Variants in POLDIP3 observed in about 807,000 individuals in gnomAD.
POLDIP3 encodes the protein DNA polymerase delta interacting protein 3.
A neutral mutation model predicts 45.1 loss-of-function variants in POLDIP3; 14 were observed. The ratio of observed to expected loss-of-function variants is 0.31; its 90% CI spans 0.20 to 0.49. The LOEUF is 0.49. Among genes scored for constraint, POLDIP3 ranks in the 20% least tolerant of loss-of-function variants. POLDIP3 has a pLI of 0.99. For synonymous variants in POLDIP3, 223 were observed against 205.2 expected, an observed-to-expected ratio of 1.09 and a Z score of -0.74; for missense variants, 511 against 538.8, an observed-to-expected ratio of 0.95 and a Z score of 0.51.
chr22:42,599,654 T>A, intron 4 of POLDIP3, 44 bp downstream of exon 4: 1 of 1,411,238 alleles, frequency 7.1e-7, no homozygotes, highest in Admixed American at 1.7e-5. Flanking sequence ...CTCTCCCACC[T>A]GCCTGATCAG....
At chr22:42,598,190 C>G (rs1473850334) in intron 4 of POLDIP3, among the ~76,000 whole-genome samples, 1 of 151,364 alleles carries the variant, frequency 6.6e-6, no homozygotes, top group African/African-American at 2.4e-5. Flanking sequence ...TCACACCATT[C>G]TCCTGCCTCA....
chr22:42,595,696 T>G, intron 5 of POLDIP3, 82 bp from the exon 6 acceptor site: 2 of 1,270,214 alleles, frequency 1.6e-6, no homozygotes, highest in Non-Finnish European at 2.3e-6. Flanking sequence ...GGCACGTGAC[T>G]AGGAAGGCCC....
chr22:42,604,095 C>T (rs1926571870), intron 1 of POLDIP3, among the ~76,000 whole-genome samples: 1 of 152,064 alleles, frequency 6.6e-6, no homozygotes, highest in Admixed American at 6.6e-5. Flanking sequence ...CTTCTTCTGT[C>T]GCCTCCCACC....
At position 42,599,812 on chromosome 22, in the gene POLDIP3, G is replaced by A; in HGVS notation, c.538-19C>T. 6.4e-7 allele frequency: 1 copy of A among 1,558,474 alleles called. No individual in the cohort carries two copies. Among genetic ancestry groups the A allele is most frequent in the Non-Finnish European group, 8.8e-7 (1 of 1,132,712 alleles). ...ATAAATTCTGAGAATATAACATAAA[G>A]AAATATAAGCAAATGTGGCATCTGG... is the stretch of plus-strand genomic sequence containing the variant. On this transcript the variant is annotated intron_variant, in intron 3 of 8. Transcript: ENST00000252115.
intron 1 of POLDIP3, among the ~76,000 whole-genome samples, chr22:42,609,014 G>A (rs1021815526): frequency 3.1e-4 from 47 of 152,188 alleles, no homozygotes; most frequent in African/African-American, 1.1e-3. Flanking sequence ...CTGGTTTCAG[G>A]CAGGCATTAG....
chr22:42,609,392 G>A, intron 1 of POLDIP3, among the ~76,000 whole-genome samples: 1 of 152,216 alleles, frequency 6.6e-6, no homozygotes. Context: ...GCTGGCAGGT[G>A]AGAAGGCAAA....
intron 1 of POLDIP3, among the ~76,000 whole-genome samples, chr22:42,612,373 G>C (rs956407963): frequency 6.6e-6 from 1 of 152,248 alleles, no homozygotes; most frequent in African/African-American, 2.4e-5. Context: ...GACGGTCCTA[G>C]GGAAAGTGGG....
chr22:42,613,342 G>A (rs1927244847), intron 1 of POLDIP3, among the ~76,000 whole-genome samples: 1 of 152,200 alleles, frequency 6.6e-6, no homozygotes, highest in South Asian at 2.1e-4. Context: ...TGCTGGCTGC[G>A]AATTATGAGG....
chr22:42,596,247 G>A lies in POLDIP3; in HGVS notation c.752C>T (p.Thr251Ile). 2.5e-6 allele frequency: 4 copies of A among 1,614,216 alleles called. No individual in the cohort carries two copies. The Middle Eastern group carries it at 4.9e-4, about 200-fold the overall frequency. The change falls in exon 5 of 9, where the codon ACC (threonine) becomes ATC (isoleucine). Residue 251 changes from threonine (T) to isoleucine (I), a missense_variant. Physicochemically the swap from Thr to Ile is moderately conservative, Grantham distance 89. This residue lies in a region of POLDIP3 where 378 missense variants were observed against 352.3 expected (regional missense o/e 1.07). Coordinates refer to ENST00000252115, the MANE Select transcript of POLDIP3 (RefSeq NM_032311.5). ...GTTCACCAGTGTCCGGGACATGTTGGTCAAGGCTTTTGTTCGAATAGAGGA... is the reference window on the plus strand; with the variant it reads ...GTTCACCAGTGTCCGGGACATGTTGATCAAGGCTTTTGTTCGAATAGAGGA... ...LPSSIRTKAL[T>I]NMSRTLVNKE...
intron 1 of POLDIP3, among the ~76,000 whole-genome samples, chr22:42,608,181 C>T (rs996249810): frequency 3.9e-5 from 6 of 152,016 alleles, no homozygotes; most frequent in African/African-American, 7.3e-5. Context: ...AAGAAGTAGA[C>T]GTGGGAGACT....
chr22:42,599,901 A>C, intron 3 of POLDIP3, 108 bp from the exon 4 acceptor site: 1 of 786,952 alleles, frequency 1.3e-6, no homozygotes, highest in Non-Finnish European at 2.0e-6. Context: ...CAAAGGGACC[A>C]AGGAGAAGTG....
chr22:42,602,608 T>C (rs550808646), intron 2 of POLDIP3, among the ~76,000 whole-genome samples, 162 bp downstream of exon 2: 1 of 152,324 alleles, frequency 6.6e-6, no homozygotes, highest in African/African-American at 2.4e-5. Context: ...CTTGTATAGT[T>C]CCTTGGCTAT....
intron 3 of POLDIP3, among the ~76,000 whole-genome samples, 187 bp downstream of exon 3, chr22:42,601,783 T>A (rs531052983): frequency 6.6e-6 from 1 of 152,084 alleles, no homozygotes; most frequent in East Asian, 1.9e-4. Context: ...ATAAAAAAAA[T>A]TTCTTCTTTA....
chr22:42,606,151 A>G (rs1381138707), intron 1 of POLDIP3, among the ~76,000 whole-genome samples: 1 of 152,074 alleles, frequency 6.6e-6, no homozygotes, highest in Non-Finnish European at 1.5e-5. Context: ...CAAAAAAAAT[A>G]AAGGACATGA....
intron 1 of POLDIP3, among the ~76,000 whole-genome samples, chr22:42,604,672 C>T (rs1427651623): frequency 1.3e-5 from 2 of 152,210 alleles, no homozygotes; most frequent in Non-Finnish European, 2.9e-5. Flanking sequence ...GTCAGTTCCT[C>T]TGCTAATGAA....
Position 42,584,619 on chromosome 22 carries a change from G to A in POLDIP3, c.*1172C>T, listed in dbSNP as rs1488217982. ...GCCTGGTCATTCAGGGACTGCCTGGGCTCTGAAGTTTCGTCCCAACTGTCT... is the reference window on the plus strand; with the variant it reads ...GCCTGGTCATTCAGGGACTGCCTGGACTCTGAAGTTTCGTCCCAACTGTCT... On this transcript the variant is annotated 3_prime_UTR_variant, in exon 9 of 9. Transcript: ENST00000252115. 6.1e-6 allele frequency: 2 copies of A among 325,376 alleles called. No homozygotes were observed. Among genetic ancestry groups the A allele is most frequent in the Non-Finnish European group, 6.0e-6 (1 of 167,504 alleles). 20.2% of individuals were successfully genotyped at this position (325,376 alleles called of 1,614,324 possible).
At chr22:42,606,308 C>A (rs1000872941) in intron 1 of POLDIP3, among the ~76,000 whole-genome samples, 1 of 151,680 alleles carries the variant, frequency 6.6e-6, no homozygotes, top group Admixed American at 6.6e-5. Context: ...ATGGCTTGAG[C>A]CCAGGAGATC....
At chr22:42,591,209 TA>T (rs1392185569) in intron 7 of POLDIP3, among the ~76,000 whole-genome samples, 1 of 149,754 alleles carries the variant, frequency 6.7e-6, no homozygotes, top group Non-Finnish European at 1.5e-5. Flanking sequence ...AAAACAAAAT[TA>T]ATTTCTTTAA....
chr22:42,588,949 AG>A (rs1185540414), intron 7 of POLDIP3, among the ~76,000 whole-genome samples: 1 of 152,212 alleles, frequency 6.6e-6, no homozygotes, highest in Non-Finnish European at 1.5e-5. Context: ...AAAGATTGAA[AG>A]TAAGAGTGGG....
Sources: gnomAD v4.1 joint callset for allele counts (sites outside exome capture counted in the v4.1 genomes callset) on GRCh38, gnomAD v4.1.1 for gene constraint, gnomAD v4.1.1 regional missense constraint, MANE v1.5 for transcripts, NCBI Gene and HGNC (gene_info 2026-07-23, HGNC 2026-07-21) for gene names.